NBAS: variants seen among roughly 807,000 people sequenced by gnomAD.
NBAS encodes NBAS subunit of NRZ tethering complex.
In NBAS, 219 loss-of-function variants were observed where a neutral mutation model predicts 302.5. That is an observed-to-expected ratio of 0.72 (90% CI 0.65 to 0.81). The LOEUF is 0.81. Among genes scored for constraint, NBAS ranks in the 30% least tolerant of loss-of-function variants. NBAS has a pLI of 0.00. For synonymous variants in NBAS, 1,118 were observed against 1,021.6 expected, an observed-to-expected ratio of 1.09 and a Z score of -1.80; for missense variants, 2,932 against 2,841.6, an observed-to-expected ratio of 1.03 and a Z score of -0.72.
chr2:15,281,977 A>G (rs1043210515), intron 42 of NBAS, among the ~76,000 whole-genome samples: 1 of 152,234 alleles, frequency 6.6e-6, no homozygotes, highest in Non-Finnish European at 1.5e-5. Context: ...GGCACAATGC[A>G]AATCACAGTC....
At chr2:15,245,118 A>T (rs537539224) in intron 44 of NBAS, among the ~76,000 whole-genome samples, 1 of 152,232 alleles carries the variant, frequency 6.6e-6, no homozygotes, top group Admixed American at 6.5e-5. Flanking sequence ...TCTTAAAAAC[A>T]CACATCTGCT....
At chr2:15,098,340 A>ATATATC in the NBAS span, among the ~76,000 whole-genome samples, 56 of 7,370 alleles carry the variant, frequency 7.6e-3, 25 homozygotes, top group African/African-American at 9.0e-3. Flanking sequence ...TATTGTATAT[A>ATATATC]ATATATAATA....
chr2:15,056,748 G>A, the NBAS span, among the ~76,000 whole-genome samples: 1 of 151,948 alleles, frequency 6.6e-6, no homozygotes, highest in African/African-American at 2.4e-5. Context: ...TTGCTTTCTT[G>A]TGCTCTTCAA....
intron 35 of NBAS, among the ~76,000 whole-genome samples, chr2:15,346,981 A>C (rs570118436): frequency 7.9e-5 from 12 of 152,246 alleles, no homozygotes; most frequent in African/African-American, 2.9e-4. Flanking sequence ...GAGGGGAACA[A>C]CACATACCAG....
At chr2:15,553,999 G>A (rs1317898949) in intron 4 of NBAS, 62 bp downstream of exon 4, 49 of 1,405,318 alleles carry the variant, frequency 3.5e-5, no homozygotes, top group East Asian at 9.2e-5. Flanking sequence ...CAAAATTAAC[G>A]TCCATAATGA....
the NBAS span, among the ~76,000 whole-genome samples, chr2:14,785,913 T>C: frequency 6.6e-6 from 1 of 152,210 alleles, no homozygotes; most frequent in Non-Finnish European, 1.5e-5. Context: ...TTCCTCCTTG[T>C]ACCTCTGGTA....
chr2:15,197,318 C>T (rs1665669447), intron 48 of NBAS, among the ~76,000 whole-genome samples: 1 of 152,154 alleles, frequency 6.6e-6, no homozygotes, highest in South Asian at 2.1e-4. Context: ...CATTCCAACC[C>T]TCATCTGCTC....
At chr2:15,421,281 T>C (rs1677201287) in intron 23 of NBAS, among the ~76,000 whole-genome samples, 1 of 152,214 alleles carries the variant, frequency 6.6e-6, no homozygotes, top group Admixed American at 6.5e-5. Context: ...ACCAATTTTG[T>C]GATCCAAACT....
chr2:14,987,182 T>G, the NBAS span, among the ~76,000 whole-genome samples: 13 of 152,194 alleles, frequency 8.5e-5, no homozygotes, highest in East Asian at 2.5e-3. Context: ...AACAATATGT[T>G]ACCAAGAAGG....
the NBAS span, among the ~76,000 whole-genome samples, chr2:15,097,975 T>C: frequency 3.9e-5 from 4 of 101,748 alleles, 1 homozygote; most frequent in African/African-American, 1.6e-4. Flanking sequence ...TTATATTGTA[T>C]ATAATATATA....
rs896529713 is a variant in NBAS, at chr2:15,532,488, CAAAAAAA to C, written c.746+2048_746+2054del. ...TGGGCGGCAGAGTGAGACTCCATCT[CAAAAAAA>C]AAAAAAAAAAAAAAACTATAAAATT... On this transcript the variant is annotated intron_variant, in intron 9 of 51. Transcript: ENST00000281513. Among the ~76,000 whole-genome samples, 27 of 47,806 alleles carry C rather than the reference CAAAAAAA, an allele frequency of 5.6e-4. No individual in the cohort carries two copies. The Admixed American group carries it at 5.7e-3, about 10-fold the overall frequency. 31.4% of individuals were successfully genotyped at this position (47,806 alleles called of 152,430 possible).
intron 21 of NBAS, among the ~76,000 whole-genome samples, chr2:15,442,765 T>C (rs1470030604): frequency 6.7e-6 from 1 of 150,120 alleles, no homozygotes; most frequent in East Asian, 2.0e-4. Flanking sequence ...GCAAGACTAA[T>C]AAAGAAAAAA....
At chr2:15,005,500 G>T in the NBAS span, among the ~76,000 whole-genome samples, 1 of 152,330 alleles carries the variant, frequency 6.6e-6, no homozygotes, top group African/African-American at 2.4e-5. Context: ...AAGGTTAAGT[G>T]ACTGCCCCAG....
At chr2:15,364,841 A>T (rs1393256178) in intron 32 of NBAS, among the ~76,000 whole-genome samples, 1 of 152,110 alleles carries the variant, frequency 6.6e-6, no homozygotes, top group Non-Finnish European at 1.5e-5. Flanking sequence ...TCTCCAGAAG[A>T]GATTGGGAAA....
intron 12 of NBAS, among the ~76,000 whole-genome samples, chr2:15,487,815 A>G (rs971916072): frequency 6.6e-6 from 1 of 152,222 alleles, no homozygotes; most frequent in African/African-American, 2.4e-5. Flanking sequence ...GCTGAGGAGC[A>G]CCTCTGCCAC....
chr2:15,478,124 T>G, intron 13 of NBAS, 102 bp downstream of exon 13: 1 of 820,310 alleles, frequency 1.2e-6, no homozygotes, highest in Non-Finnish European at 2.0e-6. Context: ...TCTTCCAAAG[T>G]GCAGCAAAAG....
intron 35 of NBAS, among the ~76,000 whole-genome samples, chr2:15,341,084 CTT>C (rs1416405541): frequency 5.9e-5 from 9 of 152,058 alleles, no homozygotes; most frequent in African/African-American, 2.2e-4. Context: ...ATGGTATTTC[CTT>C]AAAAGTAAAA....
At chr2:15,432,804 G>C (rs1036401868) in intron 21 of NBAS, among the ~76,000 whole-genome samples, 3 of 152,004 alleles carry the variant, frequency 2.0e-5, no homozygotes, top group Non-Finnish European at 2.9e-5. Flanking sequence ...AAACTCAGTG[G>C]GAAACCAATT....
At chr2:14,977,684 T>C in the NBAS span, among the ~76,000 whole-genome samples, 1 of 152,212 alleles carries the variant, frequency 6.6e-6, no homozygotes, top group African/African-American at 2.4e-5. Flanking sequence ...CAAGGTATGG[T>C]GGCACCTGAC....
Sources: allele counts gnomAD v4.1 joint callset (sites outside exome capture counted in the v4.1 genomes callset), GRCh38; gene constraint gnomAD v4.1.1; transcripts MANE v1.5; gene names NCBI Gene and HGNC (gene_info 2026-07-23, HGNC 2026-07-21).